The following TMCO6 variants were observed in gnomAD, a reference collection of about 807,000 sequenced individuals.
TMCO6 encodes the protein transmembrane and coiled-coil domains 6.
Under a neutral mutation model 61.8 loss-of-function variants are expected in TMCO6, and 47 were observed. The observed-to-expected ratio is 0.76, with a 90% confidence interval of 0.60 to 0.97. The LOEUF (loss-of-function observed/expected upper bound fraction) is 0.97. Ranked by LOEUF, TMCO6 falls within the 50% of genes least tolerant of loss-of-function variation. The probability of loss-of-function intolerance (pLI) is 0.00; values close to 1 mark genes in which losing one functional copy is unlikely to be tolerated. For synonymous variants in TMCO6, 261 were observed against 254.2 expected, an observed-to-expected ratio of 1.03 and a Z score of -0.25; for missense variants, 557 against 601.6, an observed-to-expected ratio of 0.93 and a Z score of 0.78.
chr5:140,604,079 G>A, the TMCO6 span, among the ~76,000 whole-genome samples: 13 of 152,152 alleles, frequency 8.5e-5, no homozygotes, highest in East Asian at 3.9e-4. Context: ...TTTAATTTGC[G>A]TTCCCTTTAT....
chr5:140,639,495 T>C lies in TMCO6; in HGVS notation c.-33T>C, dbSNP rs1756873842. The C allele has an allele frequency of 1.3e-6, 2 of 1,545,384 alleles. No individual in the cohort carries two copies. The highest frequency in any genetic ancestry group is 3.9e-5 in the Admixed American group (2 of 50,958). ...ACGCCCCTGGGAGCGTTGTGGCTGC[T>C]GTTTCCTTCGGCTTTCCTCCTCCTG... On this transcript the variant is annotated 5_prime_UTR_variant, in exon 1 of 12. Coordinates refer to ENST00000394671, the MANE Select transcript of TMCO6 (RefSeq NM_018502.5).
At chr5:140,620,776 C>T in the TMCO6 span, among the ~76,000 whole-genome samples, 1 of 152,094 alleles carries the variant, frequency 6.6e-6, no homozygotes, top group Admixed American at 6.6e-5. Flanking sequence ...TTTGGGAGGC[C>T]AAGGCAGGAG....
At chr5:140,607,453 T>C in the TMCO6 span, among the ~76,000 whole-genome samples, 11 of 152,246 alleles carry the variant, frequency 7.2e-5, no homozygotes, top group Admixed American at 6.5e-5. Context: ...TAGTGGACAC[T>C]TGAATCATTT....
chr5:140,647,526 G>C (rs777120962), downstream of TMCO6: 3 of 1,612,470 alleles, frequency 1.9e-6, no homozygotes, highest in Admixed American at 5.0e-5. Context: ...AAGTGGATGC[G>C]AATCTCACGC....
the TMCO6 span, among the ~76,000 whole-genome samples, chr5:140,626,257 G>T: frequency 6.6e-6 from 1 of 150,982 alleles, no homozygotes; most frequent in African/African-American, 2.4e-5. Context: ...ATGGAGTCTT[G>T]CTCTATCACC....
At chr5:140,640,939 C>T (rs1756989607) in intron 2 of TMCO6, 1 of 152,976 alleles carries the variant, frequency 6.5e-6, no homozygotes, top group Non-Finnish European at 1.5e-5. Flanking sequence ...CATAGTTTAC[C>T]GTACATACCA....
At chr5:140,644,814 C>T (rs1394253384) in intron 11 of TMCO6, 74 bp downstream of exon 11, 2 of 1,580,526 alleles carry the variant, frequency 1.3e-6, no homozygotes, top group African/African-American at 1.4e-5. Flanking sequence ...CCATCCAGTC[C>T]TAACTATAGT....
chr5:140,633,659 G>A, the TMCO6 span: 1 of 158,584 alleles, frequency 6.3e-6, no homozygotes, highest in Non-Finnish European at 1.4e-5. Context: ...TTTTGTGGAA[G>A]AGATTGTGAA....
Position 140,639,592 on chromosome 5 carries a change from G to A in TMCO6, c.65G>A (p.Arg22His). Residue 22 changes from arginine (R) to histidine (H), a missense_variant, in exon 1 of 12, where the codon CGC (arginine) becomes CAC (histidine). Coordinates refer to ENST00000394671, the MANE Select transcript of TMCO6 (RefSeq NM_018502.5). ...TGCGGGGTGGAGGAGCTACGGCGCC[G>A]CCGGCGGGAGCGGGAGGCAGGTGTG... ...TVCGVEELRR[R>H]RREREAALRK... The A allele has an allele frequency of 6.5e-7, 1 of 1,543,480 alleles. No homozygotes were observed. Among genetic ancestry groups the A allele is most frequent in the South Asian group, 1.2e-5 (1 of 83,334 alleles).
At chr5:140,647,373 GGA>G (rs1561965985), downstream of TMCO6, 5 of 1,611,096 alleles carry the variant, frequency 3.1e-6, no homozygotes, top group Admixed American at 5.0e-5. Context: ...CTGCGGGGCC[GGA>G]GAGAGCGCCG....
In TMCO6 at chr5:140,639,550, G is replaced by C. The variant is rs747612269; in HGVS notation, c.23G>C (p.Arg8Pro). MWSRRQG[R>P]LRPTVCGVEE... ...ACCATGTGGAGCCGACGGCAGGGCC[G>C]CCTCAGGCCCACGGTCTGCGGGGTG... Residue 8 changes from arginine to proline, a missense_variant, in exon 1 of 12, where the codon CGC becomes CCC. By Grantham distance (103) the Arg-to-Pro change is moderately radical. Coordinates refer to ENST00000394671, the MANE Select transcript of TMCO6 (RefSeq NM_018502.5). 6 of 1,549,578 alleles carry C rather than the reference G, an allele frequency of 3.9e-6. No individual in the cohort carries two copies. In the South Asian group the frequency reaches 4.8e-5, roughly 12 times the overall value.
downstream of TMCO6, chr5:140,647,386 C>T (rs1431606283): frequency 6.2e-7 from 1 of 1,611,076 alleles, no homozygotes; most frequent in Non-Finnish European, 8.5e-7. Context: ...GAGAGCGCCG[C>T]GCGTGCTGTG....
rs774465117 is a variant in TMCO6 at position 140,644,690 on chromosome 5, G to C, written c.1318G>C (p.Val440Leu). ...HTLAFSDTEV[V>L]GQSLELLHLL... ...ACTAGCCTTTTCTGACACTGAAGTAGTAGGCCAGAGTTTGGAGCTGCTGCA... is the reference window on the plus strand; with the variant it reads ...ACTAGCCTTTTCTGACACTGAAGTACTAGGCCAGAGTTTGGAGCTGCTGCA... The change falls in exon 11 of 12, where the codon GTA (valine) becomes CTA (leucine). Residue 440 changes from valine to leucine, a missense_variant. Physicochemically the swap from Val to Leu is conservative, Grantham distance 32. Coordinates refer to ENST00000394671, the MANE Select transcript of TMCO6 (RefSeq NM_018502.5). 8 of 1,614,140 alleles carry C rather than the reference G, an allele frequency of 5.0e-6. No homozygotes were observed. The highest frequency in any genetic ancestry group is 6.8e-6 in the Non-Finnish European group (8 of 1,180,052).
rs1212710258 is a variant in TMCO6 at position 140,644,148 on chromosome 5, A to C, written c.1154A>C (p.Glu385Ala). The change falls in exon 10 of 12, where the codon GAG becomes GCG. Residue 385 changes from glutamate to alanine, a missense_variant. By Grantham distance (107) the Glu-to-Ala change is moderately radical. Transcript: ENST00000394671. Reference protein sequence around the residue: ...CTSLLSLDLIEPLLQLLPVSN... With the variant: ...CTSLLSLDLIAPLLQLLPVSN... ...TCCTTGCTCTCCCTGGATCTGATTGAGCCTCTCTTACAGCTGTTGCCAGTA... is the reference window on the plus strand; with the variant it reads ...TCCTTGCTCTCCCTGGATCTGATTGCGCCTCTCTTACAGCTGTTGCCAGTA... The C allele has an allele frequency of 6.2e-7, 1 of 1,614,034 alleles. No individual in the cohort carries two copies. The highest frequency in any genetic ancestry group is 8.5e-7 in the Non-Finnish European group (1 of 1,180,034).
At chr5:140,627,988 TG>T in the TMCO6 span, among the ~76,000 whole-genome samples, 1 of 151,898 alleles carries the variant, frequency 6.6e-6, no homozygotes, top group Non-Finnish European at 1.5e-5. Flanking sequence ...TGTTGAGGAT[TG>T]ATATGTATAC....
the TMCO6 span, among the ~76,000 whole-genome samples, chr5:140,614,231 A>G: frequency 0.044 from 6,501 of 149,138 alleles, 443 homozygotes; most frequent in African/African-American, 0.15. Flanking sequence ...AAATGCGGCC[A>G]GGCACAGTAG....
At chr5:140,623,473 A>T in the TMCO6 span, among the ~76,000 whole-genome samples, 2 of 152,098 alleles carry the variant, frequency 1.3e-5, no homozygotes, top group African/African-American at 2.4e-5. Flanking sequence ...TTGGATGTTA[A>T]TCTGACTGGG....
At position 140,641,762 on chromosome 5, in the gene TMCO6, C is replaced by T. The variant is rs781209754; in HGVS notation, c.296C>T (p.Thr99Ile). ...CGTCGAGGCTTGCAGCACCCTGAAACACAGCAAACCTTCATCCGGTCAGTG... is the reference window on the plus strand; with the variant it reads ...CGTCGAGGCTTGCAGCACCCTGAAATACAGCAAACCTTCATCCGGTCAGTG... ...SLRRGLQHPE[T>I]QQTFIRLEGS... Residue 99 changes from threonine to isoleucine, a missense_variant, in exon 3 of 12, where the codon ACA becomes ATA. Physicochemically the swap from Thr to Ile is moderately conservative, Grantham distance 89. Coordinates refer to ENST00000394671, the MANE Select transcript of TMCO6 (RefSeq NM_018502.5). 7 of 1,614,082 alleles carry T rather than the reference C, an allele frequency of 4.3e-6. No individual in the cohort carries two copies. Among genetic ancestry groups the T allele is most frequent in the Admixed American group, 3.3e-5 (2 of 60,006 alleles).
chr5:140,620,444 G>C, the TMCO6 span, among the ~76,000 whole-genome samples: 1 of 152,152 alleles, frequency 6.6e-6, no homozygotes, highest in Non-Finnish European at 1.5e-5. Flanking sequence ...ATGATATAAT[G>C]GTGGGTACAT....
Sources: allele counts gnomAD v4.1 joint callset (sites outside exome capture counted in the v4.1 genomes callset), GRCh38; gene constraint gnomAD v4.1.1; transcripts MANE v1.5; gene names NCBI Gene and HGNC (gene_info 2026-07-23, HGNC 2026-07-21).